Variants in DIP2B observed in about 807,000 individuals in gnomAD.
DIP2B encodes the protein DIP2 acetate--CoA ligase B (putative), also known as disco-interacting protein 2 homolog B.
DIP2B carries 76 observed loss-of-function variants against 198.0 expected under a neutral mutation model. That is an observed-to-expected ratio of 0.38 (90% CI 0.32 to 0.46). DIP2B has a LOEUF of 0.46. Ranked by LOEUF, DIP2B falls within the 20% of genes least tolerant of loss-of-function variation. The pLI is 0.99. For missense variants in DIP2B, 1,559 were observed against 1,978.4 expected (o/e 0.79, Z 4.02); for synonymous variants, 701 against 739.1 (o/e 0.95, Z 0.84).
intron 1 of DIP2B, among the ~76,000 whole-genome samples, chr12:50,530,072 C>G (rs555461955): frequency 2.0e-5 from 3 of 152,090 alleles, no homozygotes; most frequent in African/African-American, 7.2e-5. Flanking sequence ...GCCTTCCATT[C>G]CTCCATCACT....
rs1270314911 is a variant in DIP2B at position 50,695,928 on chromosome 12, T to C, written c.1894T>C (p.Ser632Pro). The C allele has an allele frequency of 1.2e-6, 2 of 1,614,128 alleles. No homozygotes were observed. The highest frequency in any genetic ancestry group is 3.3e-5 in the Admixed American group (2 of 60,022). ...HRDQRDVSLS[S>P]LRMLIVTDGA... Reference sequence around the variant, plus strand: ...GGACCAAAGAGACGTGAGCTTGAGTTCCCTCCGAATGTTAATTGTGACTGA... The same window carrying C: ...GGACCAAAGAGACGTGAGCTTGAGTCCCCTCCGAATGTTAATTGTGACTGA... Residue 632 changes from serine to proline, a missense_variant, in exon 16 of 38, where the codon TCC (serine) becomes CCC (proline). By Grantham distance (74) the Ser-to-Pro change is moderately conservative. Coordinates refer to ENST00000301180, the MANE Select transcript of DIP2B (RefSeq NM_173602.3).
chr12:50,607,460 C>T (rs556410597), intron 1 of DIP2B, among the ~76,000 whole-genome samples: 1 of 152,184 alleles, frequency 6.6e-6, no homozygotes, highest in Non-Finnish European at 1.5e-5. Flanking sequence ...AAGATAATCT[C>T]ATTACTTATT....
At chr12:50,540,053 GTTTTTTTT>G (rs60978324) in intron 1 of DIP2B, among the ~76,000 whole-genome samples, 11 of 44,164 alleles carry the variant, frequency 2.5e-4, no homozygotes, top group African/African-American at 1.0e-3. Context: ...TTGTTTCTGT[GTTTTTTTT>G]TTTTTTTTTT....
At chr12:50,659,811 A>G (rs1417498351) in intron 3 of DIP2B, among the ~76,000 whole-genome samples, 1 of 152,166 alleles carries the variant, frequency 6.6e-6, no homozygotes, top group Non-Finnish European at 1.5e-5. Flanking sequence ...TTGAAAAATA[A>G]TGAGTGTTCT....
In DIP2B at chr12:50,745,076, T is replaced by A. The variant is rs1207512337; in HGVS notation, c.*237T>A. The A allele has an allele frequency of 1.8e-4, 97 of 541,492 alleles. No individual in the cohort carries two copies. The highest frequency in any genetic ancestry group is 2.9e-5 in the Non-Finnish European group (9 of 308,392). 33.5% of individuals were successfully genotyped at this position (541,492 alleles called of 1,614,324 possible). On this transcript the variant is annotated 3_prime_UTR_variant, in exon 38 of 38. Transcript: ENST00000301180. ...GCTTTGACATAGCGTGAGCAGCACA[T>A]TACTAAAGCAATTACATGCATGTTG...
chr12:50,693,037 C>T, intron 14 of DIP2B, 24 bp downstream of exon 14: 2 of 1,600,274 alleles, frequency 1.2e-6, no homozygotes, highest in Non-Finnish European at 8.5e-7. Context: ...ATTTAAGGCC[C>T]TTAGTGTAAA....
In DIP2B at chr12:50,611,695, T is replaced by C. The variant is rs1233774021; in HGVS notation, c.101-14281T>C. Among the ~76,000 whole-genome samples the C allele has an allele frequency of 2.0e-5, 3 of 152,176 alleles. No homozygotes were observed. The East Asian group carries it at 5.8e-4, about 29-fold the overall frequency. ...CCCAGTACTAGATCCCTTCAGTCGCTCTTTCACCCCTGAACTTCCACCACC... is the reference window on the plus strand; with the variant it reads ...CCCAGTACTAGATCCCTTCAGTCGCCCTTTCACCCCTGAACTTCCACCACC... On this transcript the variant is annotated intron_variant, in intron 1 of 37. Transcript: ENST00000301180.
chr12:50,510,811 A>G (rs917541748), intron 1 of DIP2B, among the ~76,000 whole-genome samples: 1 of 150,542 alleles, frequency 6.6e-6, no homozygotes, highest in African/African-American at 2.4e-5. Context: ...ACGCCTGGCT[A>G]ATTTTGTATT....
rs1938845904 is a variant in DIP2B at position 50,671,170 on chromosome 12, T to C, written c.428-16T>C. The C allele has an allele frequency of 1.2e-6, 2 of 1,612,426 alleles. No individual in the cohort carries two copies. Among genetic ancestry groups the C allele is most frequent in the African/African-American group, 1.3e-5 (1 of 74,962 alleles). On this transcript the variant is annotated splice_polypyrimidine_tract_variant and intron_variant, in intron 4 of 37. Transcript: ENST00000301180. ...TAGGTAGGATCGAGAACTTCTTTTT[T>C]TCTAATTCCACACAGACACATCTTC...
chr12:50,667,851 T>C (rs1938783215), intron 4 of DIP2B, among the ~76,000 whole-genome samples: 1 of 152,234 alleles, frequency 6.6e-6, no homozygotes. Context: ...TTAATGTTGA[T>C]TGGCCAGGTG....
chr12:50,566,897 C>T lies in DIP2B; in HGVS notation c.101-59079C>T, dbSNP rs1194440052. The stretch of plus-strand genomic sequence containing the variant: ...TGAGGCAGGAGAATGGTGTGAACCC[C>T]GGAGGCGGAGCTTGCAGTGAGCCGA... On this transcript the variant is annotated intron_variant, in intron 1 of 37. Transcript: ENST00000301180. Among the ~76,000 whole-genome samples the T allele has an allele frequency of 4.8e-5, 7 of 145,654 alleles. No homozygotes were observed. The East Asian group carries it at 6.2e-4, about 13-fold the overall frequency.
chr12:50,538,061 A>T (rs940960372), intron 1 of DIP2B, among the ~76,000 whole-genome samples: 45 of 152,348 alleles, frequency 3.0e-4, no homozygotes, highest in African/African-American at 1.0e-3. Flanking sequence ...TTCTTAATAG[A>T]TACCGAGGAG....
intron 1 of DIP2B, among the ~76,000 whole-genome samples, chr12:50,584,666 C>T (rs767231973): frequency 6.6e-5 from 10 of 152,140 alleles, no homozygotes; most frequent in East Asian, 3.8e-4. Context: ...CGGGTTCAAG[C>T]GATTCTCCTG....
intron 4 of DIP2B, among the ~76,000 whole-genome samples, chr12:50,662,028 A>G (rs1938657781): frequency 6.6e-6 from 1 of 152,180 alleles, no homozygotes; most frequent in Non-Finnish European, 1.5e-5. Context: ...GCTGAATGAG[A>G]CTGTAGTCCT....
intron 3 of DIP2B, among the ~76,000 whole-genome samples, chr12:50,656,651 A>G (rs1249724768): frequency 6.6e-6 from 1 of 152,088 alleles, no homozygotes; most frequent in African/African-American, 2.4e-5. Flanking sequence ...GGCTCACTGT[A>G]ACCTCCGCTT....
intron 17 of DIP2B, among the ~76,000 whole-genome samples, chr12:50,697,807 A>G (rs1939344098): frequency 6.6e-6 from 1 of 151,320 alleles, no homozygotes; most frequent in Non-Finnish European, 1.5e-5. Context: ...TGGGATTGTA[A>G]GCATGAGCCA....
In DIP2B at chr12:50,728,570, C is replaced by T. The variant is rs747119508; in HGVS notation, c.3533C>T (p.Ala1178Val). Reference sequence around the variant, plus strand: ...CAGATGTCCCACTCTGCAGTGAACGCTCTGTGTCGAGCCATCAAGCTCCAG... The same window carrying T: ...CAGATGTCCCACTCTGCAGTGAACGTTCTGTGTCGAGCCATCAAGCTCCAG... The part of the protein sequence containing the change: ...GVKMSHSAVN[A>V]LCRAIKLQCE... Residue 1178 changes from alanine to valine, a missense_variant, in exon 30 of 38, where the codon GCT becomes GTT. Physicochemically the swap from Ala to Val is moderately conservative, Grantham distance 64. Coordinates refer to ENST00000301180, the MANE Select transcript of DIP2B (RefSeq NM_173602.3). The T allele has an allele frequency of 1.2e-6, 2 of 1,614,096 alleles. No homozygotes were observed. The highest frequency in any genetic ancestry group is 1.1e-5 in the South Asian group (1 of 91,066).
chr12:50,640,936 G>GT (rs371854486), intron 3 of DIP2B, 84 bp downstream of exon 3: 33,923 of 1,042,136 alleles, frequency 0.033, 2 homozygotes, highest in South Asian at 0.043. Context: ...TCTAATACTT[G>GT]TCTTTTTTTT....
intron 7 of DIP2B, among the ~76,000 whole-genome samples, chr12:50,677,206 A>G (rs1938960633): frequency 1.3e-5 from 2 of 151,950 alleles, no homozygotes; most frequent in African/African-American, 4.8e-5. Context: ...GACGTGCCCC[A>G]CTTCTCACGC....
Sources: allele counts gnomAD v4.1 joint callset (sites outside exome capture counted in the v4.1 genomes callset), GRCh38; gene constraint gnomAD v4.1.1; transcripts MANE v1.5; gene names NCBI Gene and HGNC (gene_info 2026-07-23, HGNC 2026-07-21).